Variants in BANK1 observed in about 807,000 individuals in gnomAD.
BANK1 encodes B-cell scaffold protein with ankyrin repeats.
BANK1 carries 95 observed loss-of-function variants against 94.5 expected under a neutral mutation model. That is an observed-to-expected ratio of 1.00 (90% CI 0.85 to 1.19). The LOEUF (loss-of-function observed/expected upper bound fraction) is 1.19. Ranked by LOEUF, BANK1 falls within the 50% of genes most tolerant of loss-of-function variation. BANK1 has a pLI of 0.00. For missense variants in BANK1, 987 were observed against 932.2 expected (o/e 1.06, Z -0.77); for synonymous variants, 334 against 308.4 (o/e 1.08, Z -0.87).
chr4:101,863,131 T>C (rs1475844309), intron 4 of BANK1, among the ~76,000 whole-genome samples: 1 of 152,026 alleles, frequency 6.6e-6, no homozygotes, highest in African/African-American at 2.4e-5. Context: ...GTGCAATTTG[T>C]ACATATAATC....
At chr4:102,071,474 C>A (rs1052441273) in intron 14 of BANK1, among the ~76,000 whole-genome samples, 170 bp downstream of exon 14, 1 of 152,114 alleles carries the variant, frequency 6.6e-6, no homozygotes, top group African/African-American at 2.4e-5. Context: ...CGTGAAGCGA[C>A]TATAAAATAG....
intron 7 of BANK1, among the ~76,000 whole-genome samples, chr4:102,015,031 T>A (rs1387216745): frequency 6.6e-6 from 1 of 152,114 alleles, no homozygotes; most frequent in Non-Finnish European, 1.5e-5. Context: ...TCTTTTTTGC[T>A]AAACCCCTTC....
intron 7 of BANK1, among the ~76,000 whole-genome samples, chr4:102,015,204 A>G (rs1437457722): frequency 1.3e-5 from 2 of 152,102 alleles, no homozygotes; most frequent in East Asian, 1.9e-4. Context: ...TTATAAAGGA[A>G]TATAGCAATA....
chr4:101,947,167 A>T (rs1723957231), intron 7 of BANK1, among the ~76,000 whole-genome samples: 1 of 151,384 alleles, frequency 6.6e-6, no homozygotes, highest in South Asian at 2.1e-4. Context: ...GTAAATTCTG[A>T]ATATTCATTA....
chr4:101,852,503 T>TATATATATAC (rs1448887346), intron 2 of BANK1, among the ~76,000 whole-genome samples: 11 of 80,162 alleles, frequency 1.4e-4, no homozygotes, highest in Admixed American at 4.7e-4. Flanking sequence ...TATATATATA[T>TATATATATAC]ACACACACAC....
intron 2 of BANK1, 133 bp downstream of exon 2, chr4:101,830,339 C>T (rs1726569318): frequency 1.4e-6 from 1 of 710,772 alleles, no homozygotes; most frequent in African/African-American, 1.8e-5. Context: ...TGATTTTATT[C>T]AACAGTATGT....
rs1391153881 is a variant in BANK1 at position 101,914,410 on chromosome 4, G to T, written c.1010-3583G>T. Among the ~76,000 whole-genome samples the T allele has an allele frequency of 3.3e-5, 5 of 152,020 alleles. No homozygotes were observed. In the South Asian group the frequency reaches 6.2e-4, roughly 19 times the overall value. ...TGTATGGAGGAGCAAAGAAAATAAG[G>T]CACCGTAAGTCAGAAAATAACTGGC... On this transcript the variant is annotated intron_variant, in intron 6 of 16. Transcript: ENST00000322953.
Position 102,030,137 on chromosome 4 carries a change from T to A in BANK1, c.1772T>A (p.Ile591Lys), listed in dbSNP as rs1727241483. ...ATTGATGACAGTGAATATGACATGATATTGGCCAATCTGAGTATAAAGAAA... is the reference window on the plus strand; with the variant it reads ...ATTGATGACAGTGAATATGACATGAAATTGGCCAATCTGAGTATAAAGAAA... ...AEIDDSEYDMILANLSIKKKT... is the reference protein window; with the variant it reads ...AEIDDSEYDMKLANLSIKKKT... The change falls in exon 10 of 17, where the codon ATA becomes AAA. Residue 591 changes from isoleucine to lysine, a missense_variant. Ile to Lys is a moderately radical substitution (Grantham distance 102, BLOSUM62 -3). Coordinates refer to ENST00000322953, the MANE Select transcript of BANK1 (RefSeq NM_017935.5). The A allele has an allele frequency of 6.2e-7, 1 of 1,614,056 alleles. No individual in the cohort carries two copies. Among genetic ancestry groups the A allele is most frequent in the Non-Finnish European group, 8.5e-7 (1 of 1,179,996 alleles).
chr4:102,021,913 A>G (rs1183962832), intron 8 of BANK1, among the ~76,000 whole-genome samples: 1 of 152,084 alleles, frequency 6.6e-6, no homozygotes, highest in Non-Finnish European at 1.5e-5. Context: ...TAACCACATT[A>G]TTTGCAGACC....
At chr4:101,899,538 T>A in intron 6 of BANK1, among the ~76,000 whole-genome samples, 1 of 152,200 alleles carries the variant, frequency 6.6e-6, no homozygotes, top group South Asian at 2.1e-4. Context: ...CAAATTTTTT[T>A]TACCTGCGTA....
Position 101,855,098 on chromosome 4 carries a change from T to A in BANK1, c.533T>A (p.Ile178Lys), listed in dbSNP as rs1727631222. The A allele has an allele frequency of 1.2e-6, 2 of 1,613,238 alleles. No homozygotes were observed. Among genetic ancestry groups the A allele is most frequent in the Non-Finnish European group, 1.7e-6 (2 of 1,179,460 alleles). Residue 178 changes from isoleucine (I) to lysine (K), a missense_variant, in exon 3 of 17, where the codon ATA becomes AAA. By Grantham distance (102) the Ile-to-Lys change is moderately radical (BLOSUM62 -3). Coordinates refer to ENST00000322953, the MANE Select transcript of BANK1 (RefSeq NM_017935.5). ...TDLRAKHSGEISERKEIEELS... is the reference protein window; with the variant it reads ...TDLRAKHSGEKSERKEIEELS... ...CTACGAGCAAAACATTCTGGGGAAA[T>A]AAGTGAGAGAAAGGAAATTGAAGAA...
rs997315073 is a variant in BANK1 at position 101,959,301 on chromosome 4, G to A, written c.1206+41112G>A. ...ATTACAGGTGCCTGCCACCACGCCCGGCTAATTTTTGTATTTTTAGTAGAG... is the reference window on the plus strand; with the variant it reads ...ATTACAGGTGCCTGCCACCACGCCCAGCTAATTTTTGTATTTTTAGTAGAG... On this transcript the variant is annotated intron_variant, in intron 7 of 16. Coordinates refer to ENST00000322953, the MANE Select transcript of BANK1 (RefSeq NM_017935.5). 9.2e-5 allele frequency among the ~76,000 whole-genome samples: 14 copies of A among 152,016 alleles called. No homozygotes were observed. In the East Asian group the frequency reaches 9.7e-4, roughly 11 times the overall value.
chr4:101,972,905 A>G (rs1279538100), intron 7 of BANK1: 3 of 152,178 alleles, frequency 2.0e-5, no homozygotes, highest in Non-Finnish European at 2.9e-5. Flanking sequence ...TAACAGAAAT[A>G]AGCCAAGCAC....
At chr4:101,810,605 T>C (rs1002414019) in intron 1 of BANK1, among the ~76,000 whole-genome samples, 9 of 152,360 alleles carry the variant, frequency 5.9e-5, no homozygotes, top group African/African-American at 1.7e-4. Context: ...TTATATTTTA[T>C]TGACCAAACA....
rs78316502 is a variant in BANK1, at chr4:101,853,049, G to T, written c.470-1986G>T. ...TTGATTTGTGTATGTCTATGTGTGT[G>T]TGTATAAGCCAGGAGGAAGAGAGAG... On this transcript the variant is annotated intron_variant, in intron 2 of 16. Coordinates refer to ENST00000322953, the MANE Select transcript of BANK1 (RefSeq NM_017935.5). Among the ~76,000 whole-genome samples the T allele has an allele frequency of 9.6e-3, 1,458 of 152,224 alleles. 25 individuals carry two copies. Among genetic ancestry groups the T allele is most frequent in the African/African-American group, 0.032 (1,342 of 41,530 alleles).
chr4:101,805,520 C>T, intron 1 of BANK1, among the ~76,000 whole-genome samples: 1 of 151,796 alleles, frequency 6.6e-6, no homozygotes, highest in East Asian at 1.9e-4. Context: ...ACAAATAAAG[C>T]TGTAGCCGTT....
At chr4:101,828,561 A>G (rs1578341009) in intron 1 of BANK1, among the ~76,000 whole-genome samples, 1 of 152,122 alleles carries the variant, frequency 6.6e-6, no homozygotes, top group East Asian at 1.9e-4. Flanking sequence ...TTACATAAAT[A>G]CAATTATGCA....
intron 7 of BANK1, among the ~76,000 whole-genome samples, chr4:101,971,859 G>T (rs1362135831): frequency 2.0e-5 from 3 of 151,896 alleles, no homozygotes; most frequent in Non-Finnish European, 4.4e-5. Flanking sequence ...TCTTTTTCTT[G>T]CCAGTGCCGT....
intron 7 of BANK1, among the ~76,000 whole-genome samples, chr4:101,955,508 T>G (rs1282067055): frequency 6.6e-6 from 1 of 152,138 alleles, no homozygotes; most frequent in African/African-American, 2.4e-5. Context: ...TTTTGCCACT[T>G]AAGTTGTTAT....
Sources: allele counts gnomAD v4.1 joint callset (sites outside exome capture counted in the v4.1 genomes callset), GRCh38; gene constraint gnomAD v4.1.1; transcripts MANE v1.5; gene names NCBI Gene and HGNC (gene_info 2026-07-23, HGNC 2026-07-21).